Variants in MRPL13 observed in about 807,000 individuals in gnomAD.
MRPL13 encodes large ribosomal subunit protein uL13m.
In MRPL13, 33 loss-of-function variants were observed where a neutral mutation model predicts 29.0. The ratio of observed to expected loss-of-function variants is 1.14; its 90% CI spans 0.86 to 1.52. The LOEUF (loss-of-function observed/expected upper bound fraction) is 1.52, where lower values mean the gene tolerates loss of function less well. Among genes scored for constraint, MRPL13 ranks in the 40% most tolerant of loss-of-function variants. The pLI, the probability that MRPL13 is intolerant of heterozygous loss-of-function variation, is 0.00. For synonymous variants in MRPL13, 77 were observed against 68.4 expected, an observed-to-expected ratio of 1.13 and a Z score of -0.62; for missense variants, 227 against 216.7, an observed-to-expected ratio of 1.05 and a Z score of -0.30.
intron 3 of MRPL13, among the ~76,000 whole-genome samples, chr8:120,426,102 A>G (rs1301264553): frequency 6.6e-6 from 1 of 152,092 alleles, no homozygotes; most frequent in East Asian, 1.9e-4. Flanking sequence ...ACCTCAAAAG[A>G]TTTCTGGGTC....
chr8:120,427,285 T>C (rs1812940928), intron 3 of MRPL13, among the ~76,000 whole-genome samples: 1 of 152,188 alleles, frequency 6.6e-6, no homozygotes, highest in Non-Finnish European at 1.5e-5. Flanking sequence ...ATACTGTGCC[T>C]GCACAGATTT....
chr8:120,443,381 T>C, intron 1 of MRPL13, 73 bp from the exon 2 acceptor site: 1 of 1,259,424 alleles, frequency 7.9e-7, no homozygotes, highest in Non-Finnish European at 1.0e-6. Context: ...AATACAGTAA[T>C]TAAATTTATT....
Position 120,425,246 on chromosome 8 carries a change from C to A in MRPL13, c.306+60G>T. ...TTAAAATAATGAGAAGGGAGACTGA[C>A]AAAACAGTATCTGAATTGGTCTTTC... On this transcript the variant is annotated intron_variant, in intron 4 of 6. Coordinates refer to ENST00000306185, the MANE Select transcript of MRPL13 (RefSeq NM_014078.6). The A allele has an allele frequency of 4.5e-6, 6 of 1,320,706 alleles. No individual in the cohort carries two copies. The South Asian group carries it at 6.1e-5, about 14-fold the overall frequency. The allele number at this position is 1,320,706 out of a possible 1,614,324, so 81.8% of individuals were successfully genotyped here. A position where few individuals can be genotyped will look rare whatever the true frequency, so the allele number is the denominator to read the frequency against.
intron 6 of MRPL13, among the ~76,000 whole-genome samples, chr8:120,407,235 C>T (rs1048365903): frequency 1.3e-5 from 2 of 152,096 alleles, no homozygotes; most frequent in African/African-American, 4.8e-5. Context: ...AATTTCTCAC[C>T]TCTTAACATT....
chr8:120,443,325 A>G lies in MRPL13; in HGVS notation c.28-17T>C. The G allele has an allele frequency of 6.4e-7, 1 of 1,556,428 alleles. No homozygotes were observed. The highest frequency in any genetic ancestry group is 2.3e-5 in the East Asian group (1 of 44,110). On this transcript the variant is annotated splice_polypyrimidine_tract_variant and intron_variant, in intron 1 of 6. Coordinates refer to ENST00000306185, the MANE Select transcript of MRPL13 (RefSeq NM_014078.6). ...GGCCCATTGCTTGGGGGGGAAAAAA[A>G]AAAAAAAGAAGAGGAAAAAATAAAG...
intron 1 of MRPL13, 185 bp downstream of exon 1, chr8:120,444,883 A>T (rs1292406313): frequency 2.6e-5 from 11 of 420,108 alleles, no homozygotes; most frequent in Non-Finnish European, 5.0e-5. Flanking sequence ...AGAGGGGACG[A>T]GTAACAGACG....
rs186332048 is a variant in MRPL13, at chr8:120,430,795, C to T, written c.245+1235G>A. 1.2e-4 allele frequency among the ~76,000 whole-genome samples: 18 copies of T among 152,282 alleles called. 1 individual carries two copies. In the East Asian group the frequency reaches 3.1e-3, roughly 26 times the overall value. On this transcript the variant is annotated intron_variant, in intron 3 of 6. Coordinates refer to ENST00000306185, the MANE Select transcript of MRPL13 (RefSeq NM_014078.6). ...TACTGACAGGGACACTACCAGCTGA[C>T]GTACACATTATGGTAGCTGTTCACT...
intron 5 of MRPL13, chr8:120,416,167 A>G (rs1243280369): frequency 1.3e-5 from 2 of 152,216 alleles, no homozygotes; most frequent in African/African-American, 4.8e-5. Flanking sequence ...AAGGTAACCC[A>G]TGAATGCTAA....
chr8:120,426,707 C>T (rs1196623384), intron 3 of MRPL13, among the ~76,000 whole-genome samples: 2 of 152,110 alleles, frequency 1.3e-5, no homozygotes, highest in African/African-American at 4.8e-5. Flanking sequence ...GAAAATAACT[C>T]ATTCTTTCCT....
At chr8:120,443,345 A>G in intron 1 of MRPL13, 37 bp from the exon 2 acceptor site, 2 of 1,484,294 alleles carry the variant, frequency 1.3e-6, no homozygotes, top group Non-Finnish European at 1.8e-6. Context: ...AGAGGAAAAA[A>G]TAAAGATAAT....
chr8:120,433,344 G>A (rs1813017405), intron 2 of MRPL13, among the ~76,000 whole-genome samples: 1 of 152,066 alleles, frequency 6.6e-6, no homozygotes, highest in Non-Finnish European at 1.5e-5. Context: ...GACATTTACA[G>A]CAGAAGAAGA....
At chr8:120,406,671 A>C (rs1227747904) in intron 6 of MRPL13, among the ~76,000 whole-genome samples, 1 of 151,226 alleles carries the variant, frequency 6.6e-6, no homozygotes, top group Non-Finnish European at 1.5e-5. Context: ...AAATATATGA[A>C]ACACACACAA....
chr8:120,413,355 T>C (rs1812762769), intron 6 of MRPL13, among the ~76,000 whole-genome samples: 1 of 151,964 alleles, frequency 6.6e-6, no homozygotes, highest in Admixed American at 6.6e-5. Flanking sequence ...TTAGAGTAAA[T>C]CAGTAAATGG....
chr8:120,438,552 T>C (rs1813080389), intron 2 of MRPL13, among the ~76,000 whole-genome samples: 1 of 152,208 alleles, frequency 6.6e-6, no homozygotes. Context: ...AGATGGAAAT[T>C]AGGTGACTGC....
chr8:120,418,080 C>T (rs539100660), intron 5 of MRPL13, among the ~76,000 whole-genome samples: 2 of 152,138 alleles, frequency 1.3e-5, no homozygotes, highest in African/African-American at 2.4e-5. Flanking sequence ...CAAAAAGTAG[C>T]GCACATAAAT....
Position 120,395,908 on chromosome 8 carries a change from T to C in MRPL13, c.*196A>G. 1 of 484,282 alleles carries C rather than the reference T, an allele frequency of 2.1e-6. No homozygotes were observed. Among genetic ancestry groups the C allele is most frequent in the Non-Finnish European group, 3.7e-6 (1 of 271,706 alleles). 30.0% of individuals were successfully genotyped at this position (484,282 alleles called of 1,614,324 possible). On this transcript the variant is annotated 3_prime_UTR_variant, in exon 7 of 7. Transcript: ENST00000306185. ...ACATTCAAATCAGATTACATAAAAA[T>C]GGTTCTATAAAATTATATTTTAATT...
chr8:120,406,671 AACAC>A (rs1315669490), intron 6 of MRPL13, among the ~76,000 whole-genome samples: 4 of 151,226 alleles, frequency 2.6e-5, no homozygotes, highest in African/African-American at 9.7e-5. Context: ...AAATATATGA[AACAC>A]ACACAAGCTT....
chr8:120,428,779 T>C (rs574564596), intron 3 of MRPL13, among the ~76,000 whole-genome samples: 4 of 151,974 alleles, frequency 2.6e-5, no homozygotes, highest in Admixed American at 6.6e-5. Flanking sequence ...AAAACCACAA[T>C]GAGATGCCAT....
chr8:120,417,220 A>G (rs1210236401), intron 5 of MRPL13, among the ~76,000 whole-genome samples: 3 of 152,240 alleles, frequency 2.0e-5, no homozygotes, highest in African/African-American at 7.2e-5. Flanking sequence ...ACCTGATGTC[A>G]GTTTTTCCCA....
Sources: allele counts gnomAD v4.1 joint callset (sites outside exome capture counted in the v4.1 genomes callset), GRCh38; gene constraint gnomAD v4.1.1; transcripts MANE v1.5; gene names NCBI Gene and HGNC (gene_info 2026-07-23, HGNC 2026-07-21).